Variants in UGGT2 observed in about 807,000 individuals in gnomAD.
UGGT2 encodes UDP-glucose:glycoprotein glucosyltransferase 2.
In UGGT2, 180 loss-of-function variants were observed where a neutral mutation model predicts 192.1. The ratio of observed to expected loss-of-function variants is 0.94; its 90% CI spans 0.83 to 1.06. UGGT2 has a LOEUF of 1.06. Among genes scored for constraint, UGGT2 ranks in the 50% least tolerant of loss-of-function variants. The probability of loss-of-function intolerance (pLI) is 0.00; values close to 1 mark genes in which losing one functional copy is unlikely to be tolerated. For synonymous variants in UGGT2, 580 were observed against 591.0 expected (o/e 0.98, Z 0.27); for missense variants, 1,849 against 1,795.7 (o/e 1.03, Z -0.54).
intron 34 of UGGT2, among the ~76,000 whole-genome samples, chr13:95,854,718 A>G (rs1261751774): frequency 6.6e-6 from 1 of 152,188 alleles, no homozygotes; most frequent in East Asian, 1.9e-4. Context: ...ACCAACAAGA[A>G]TATTTTGTTA....
chr13:95,865,098 T>C lies in UGGT2; in HGVS notation c.3559-1384A>G, dbSNP rs558575591. Among the ~76,000 whole-genome samples the C allele has an allele frequency of 6.6e-5, 10 of 152,302 alleles. No individual in the cohort carries two copies. The South Asian group carries it at 8.3e-4, about 13-fold the overall frequency. On this transcript the variant is annotated intron_variant, in intron 30 of 38. Coordinates refer to ENST00000376747, the MANE Select transcript of UGGT2 (RefSeq NM_020121.4). ...TCCTTCTTAGTAGCTATTATAATCT[T>C]ATATGGGCCATTTTCATTCATTCTA... is the stretch of plus-strand genomic sequence containing the variant.
At chr13:96,022,653 G>A (rs1394014027) in intron 4 of UGGT2, among the ~76,000 whole-genome samples, 2 of 151,456 alleles carry the variant, frequency 1.3e-5, no homozygotes, top group African/African-American at 4.8e-5. Flanking sequence ...TTAAATACTT[G>A]CAAAAAAGCA....
intron 25 of UGGT2, among the ~76,000 whole-genome samples, chr13:95,890,394 T>C (rs1456863202): frequency 6.6e-6 from 1 of 152,174 alleles, no homozygotes; most frequent in African/African-American, 2.4e-5. Flanking sequence ...ATTTGGTTTC[T>C]GGAGAGAGCT....
intron 20 of UGGT2, among the ~76,000 whole-genome samples, chr13:95,911,807 C>A (rs886555941): frequency 6.1e-4 from 93 of 152,264 alleles, no homozygotes; most frequent in African/African-American, 2.1e-3. Context: ...AGACCAATAT[C>A]CCTGATGAAC....
At chr13:95,904,298 T>C (rs2048205501) in intron 20 of UGGT2, among the ~76,000 whole-genome samples, 1 of 152,118 alleles carries the variant, frequency 6.6e-6, no homozygotes, top group Non-Finnish European at 1.5e-5. Flanking sequence ...ATATTATCTT[T>C]TTTTTATTAT....
At chr13:96,024,017 C>T (rs2052592897) in intron 2 of UGGT2, among the ~76,000 whole-genome samples, 1 of 152,176 alleles carries the variant, frequency 6.6e-6, no homozygotes, top group African/African-American at 2.4e-5. Flanking sequence ...GAAACACCAA[C>T]ATTTCAGACC....
chr13:95,898,926 A>G (rs1223122674), intron 22 of UGGT2, among the ~76,000 whole-genome samples: 1 of 152,216 alleles, frequency 6.6e-6, no homozygotes, highest in East Asian at 1.9e-4. Flanking sequence ...TTACAGCAGC[A>G]CAAAACAGAT....
chr13:96,047,901 C>T (rs2053365541), intron 1 of UGGT2, among the ~76,000 whole-genome samples: 1 of 151,582 alleles, frequency 6.6e-6, no homozygotes, highest in South Asian at 2.1e-4. Context: ...ACTTTAACAC[C>T]CCACTGTCAA....
At chr13:95,994,811 T>A (rs527347533) in intron 7 of UGGT2, among the ~76,000 whole-genome samples, 1 of 152,178 alleles carries the variant, frequency 6.6e-6, no homozygotes, top group South Asian at 2.1e-4. Context: ...ACAAGGCTAA[T>A]AAATATTTAA....
At chr13:95,837,062 A>G (rs1466517357) in intron 37 of UGGT2, 24 bp downstream of exon 37, 1 of 1,510,800 alleles carries the variant, frequency 6.6e-7, no homozygotes, top group East Asian at 2.3e-5. Context: ...CTGCTTACAT[A>G]CAAATGAAAA....
chr13:95,814,729 C>G (rs966788022), intron 38 of UGGT2, among the ~76,000 whole-genome samples: 1 of 152,138 alleles, frequency 6.6e-6, no homozygotes, highest in Non-Finnish European at 1.5e-5. Flanking sequence ...GACTTCAACT[C>G]ATTCTATTAG....
chr13:95,902,857 A>T lies in UGGT2; in HGVS notation c.2499T>A (p.Ile833=). 6.2e-7 allele frequency: 1 copy of T among 1,612,296 alleles called. No individual in the cohort carries two copies. ...AATATTTCAAATAGCTACTGACCTC[A>T]ATAAGGAATGTTTTAATTTTATCTC... The part of the protein sequence containing the change: ...YSGDKIKTFL[I]EGMDKNAFEK... The change falls in exon 21 of 39, where the codon ATT becomes ATA. Residue 833 remains isoleucine (I), a synonymous_variant. Coordinates refer to ENST00000376747, the MANE Select transcript of UGGT2 (RefSeq NM_020121.4).
chr13:95,830,169 T>C (rs1229881178), intron 38 of UGGT2, among the ~76,000 whole-genome samples: 1 of 152,072 alleles, frequency 6.6e-6, no homozygotes, highest in Admixed American at 6.6e-5. Flanking sequence ...CCTAAAACCA[T>C]AAAAACTGTA....
rs2050449659 is a variant in UGGT2, at chr13:95,963,014, G to A, written c.1335+7098C>T. On this transcript the variant is annotated intron_variant, in intron 12 of 38. Transcript: ENST00000376747. ...TCATAAGACTTATTCACTATCATGA[G>A]AACAGCATGGAAAGACCTGCCCCCA... 2.0e-5 allele frequency among the ~76,000 whole-genome samples: 3 copies of A among 152,100 alleles called. No homozygotes were observed. The South Asian group carries it at 6.2e-4, about 32-fold the overall frequency.
At chr13:96,004,723 A>G (rs2051918081) in intron 5 of UGGT2, among the ~76,000 whole-genome samples, 1 of 150,174 alleles carries the variant, frequency 6.7e-6, no homozygotes, top group South Asian at 2.1e-4. Flanking sequence ...AAAAGAACAG[A>G]AAAAAATGTA....
chr13:95,825,640 C>A (rs1019944273), intron 38 of UGGT2, among the ~76,000 whole-genome samples: 9 of 152,156 alleles, frequency 5.9e-5, no homozygotes, highest in African/African-American at 2.2e-4. Context: ...CACTGAGCTC[C>A]TGTGGGAGAA....
At chr13:95,999,387 T>C in intron 5 of UGGT2, 80 bp from the exon 6 acceptor site, 1 of 1,300,912 alleles carries the variant, frequency 7.7e-7, no homozygotes, top group African/African-American at 1.5e-5. Context: ...CACGATGTAT[T>C]TGGACATAAG....
chr13:95,849,824 C>T (rs1174212809), intron 36 of UGGT2, among the ~76,000 whole-genome samples: 3 of 149,320 alleles, frequency 2.0e-5, no homozygotes, highest in Non-Finnish European at 3.0e-5. Context: ...AAATGACTAA[C>T]TTTTATATAT....
intron 12 of UGGT2, among the ~76,000 whole-genome samples, chr13:95,950,539 CAAA>C (rs557375454): frequency 1.2e-5 from 1 of 83,898 alleles, no homozygotes; most frequent in Non-Finnish European, 2.2e-5. Context: ...CTGGCTCTCA[CAAA>C]AAAAAAAAAA....
Sources: allele counts gnomAD v4.1 joint callset (sites outside exome capture counted in the v4.1 genomes callset), GRCh38; gene constraint gnomAD v4.1.1; transcripts MANE v1.5; gene names NCBI Gene and HGNC (gene_info 2026-07-23, HGNC 2026-07-21).